LAMC2: variants seen among roughly 807,000 people sequenced by gnomAD.
LAMC2 encodes laminin subunit gamma-2.
Under a neutral mutation model 140.2 loss-of-function variants are expected in LAMC2, and 97 were observed. The ratio of observed to expected loss-of-function variants is 0.69; its 90% confidence interval spans 0.59 to 0.82. The LOEUF is 0.82. Ranked by LOEUF, LAMC2 falls within the 40% of genes least tolerant of loss-of-function variation. The probability of loss-of-function intolerance (pLI) is 0.00; values close to 1 mark genes in which losing one functional copy is unlikely to be tolerated. For missense variants in LAMC2, 1,402 were observed against 1,476.1 expected (o/e 0.95, Z 0.82); for synonymous variants, 513 against 540.2 (o/e 0.95, Z 0.70).
the LAMC2 span, among the ~76,000 whole-genome samples, chr1:183,255,728 A>G: frequency 7.2e-6 from 1 of 137,972 alleles, no homozygotes; most frequent in East Asian, 2.2e-4. Flanking sequence ...CAATGGTGTG[A>G]TCTTGACTCA....
Position 183,228,569 on chromosome 1 carries a change from C to T in LAMC2, c.1664C>T (p.Ala555Val), listed in dbSNP as rs1396710423. Residue 555 changes from alanine to valine, a missense_variant, in exon 11 of 23, where the codon GCA (alanine) becomes GTA (valine). By Grantham distance (64) the Ala-to-Val change is moderately conservative. Coordinates refer to ENST00000264144, the MANE Select transcript of LAMC2 (RefSeq NM_005562.3). This position sits in a 1 kb window ranked among gnomAD's most constrained non-coding sequence, Gnocchi z 4.3. ...GGCATCTACTGCGACCAGTGCAAAG[C>T]AGGCTACTTCGGGGACCCATTGGCT... Reference protein sequence around the residue: ...TAGIYCDQCKAGYFGDPLAPN... With the variant: ...TAGIYCDQCKVGYFGDPLAPN... 2 of 1,613,928 alleles carry T rather than the reference C, an allele frequency of 1.2e-6. No homozygotes were observed. The highest frequency in any genetic ancestry group is 8.5e-7 in the Non-Finnish European group (1 of 1,180,030).
chr1:183,239,849 C>A, intron 20 of LAMC2, 191 bp from the exon 21 acceptor site: 1 of 704,744 alleles, frequency 1.4e-6, no homozygotes, highest in Non-Finnish European at 2.5e-6. Context: ...CTAGTCATAC[C>A]CCCAGATTAG....
chr1:183,207,747 C>T, intron 1 of LAMC2, 134 bp from the exon 2 acceptor site: 1 of 786,342 alleles, frequency 1.3e-6, no homozygotes, highest in Non-Finnish European at 2.1e-6. Flanking sequence ...ATATCTTCCT[C>T]CCGCAAGGAG....
At chr1:183,223,076 ATG>A in intron 6 of LAMC2, 57 bp from the exon 7 acceptor site, 1 of 1,518,922 alleles carries the variant, frequency 6.6e-7, no homozygotes, top group East Asian at 2.3e-5. Flanking sequence ...GCAAACTTGC[ATG>A]TGTTTGCCTC....
intron 1 of LAMC2, among the ~76,000 whole-genome samples, chr1:183,188,050 T>TA (rs1392510701): frequency 6.6e-6 from 1 of 152,226 alleles, no homozygotes; most frequent in Non-Finnish European, 1.5e-5. Flanking sequence ...GCTATTTTAA[T>TA]AAAATCAGGC....
chr1:183,222,029 G>A (rs1356553232), intron 5 of LAMC2, 60 bp from the exon 6 acceptor site: 1 of 1,610,460 alleles, frequency 6.2e-7, no homozygotes, highest in East Asian at 2.2e-5. Flanking sequence ...ATCTTTCTTT[G>A]TTTAACTTAA....
intron 4 of LAMC2, 117 bp from the exon 5 acceptor site, chr1:183,220,708 C>G (rs1659439915): frequency 9.1e-7 from 1 of 1,100,332 alleles, no homozygotes; most frequent in African/African-American, 1.6e-5. Context: ...TTTCCCTCCT[C>G]TGAAAATTAA....
chr1:183,208,724 G>C (rs921060320), intron 2 of LAMC2, among the ~76,000 whole-genome samples: 1 of 152,152 alleles, frequency 6.6e-6, no homozygotes, highest in African/African-American at 2.4e-5. Context: ...CTGTTGTCCA[G>C]ACTGGAGTGC....
chr1:183,239,950 C>G, intron 20 of LAMC2, 90 bp from the exon 21 acceptor site: 3 of 1,414,812 alleles, frequency 2.1e-6, no homozygotes, highest in Non-Finnish European at 3.0e-6. Context: ...GGCCCGGCTG[C>G]CGCTGTATTT....
At chr1:183,209,410 A>G (rs1176520013) in intron 2 of LAMC2, among the ~76,000 whole-genome samples, 1 of 152,032 alleles carries the variant, frequency 6.6e-6, no homozygotes, top group Non-Finnish European at 1.5e-5. Context: ...AAACTGGGTG[A>G]CCCTGTGGTG....
chr1:183,229,576 G>T (rs1659738779), intron 11 of LAMC2, among the ~76,000 whole-genome samples: 1 of 149,326 alleles, frequency 6.7e-6, no homozygotes, highest in African/African-American at 2.5e-5. Context: ...GGCAGAGGTT[G>T]CAGTGAGCCG....
At chr1:183,253,983 T>C in the LAMC2 span, among the ~76,000 whole-genome samples, 1 of 151,960 alleles carries the variant, frequency 6.6e-6, no homozygotes, top group Non-Finnish European at 1.5e-5. Context: ...TATCTATTCA[T>C]CCATTGATGG....
chr1:183,237,298 G>C, intron 17 of LAMC2, 54 bp from the exon 18 acceptor site: 1 of 1,598,154 alleles, frequency 6.3e-7, no homozygotes, highest in Non-Finnish European at 8.6e-7. Flanking sequence ...TAACAAGGCT[G>C]GTGTGGTAAC....
rs749198766 is a variant in LAMC2, at chr1:183,232,273, G to A, written c.1944G>A (p.Glu648=). The A allele has an allele frequency of 6.2e-7, 1 of 1,614,116 alleles. No individual in the cohort carries two copies. Among genetic ancestry groups the A allele is most frequent in the South Asian group, 1.1e-5 (1 of 91,070 alleles). The change falls in exon 13 of 23, where the codon GAG becomes GAA. Residue 648 remains glutamate (E), a synonymous_variant. Coordinates refer to ENST00000264144, the MANE Select transcript of LAMC2 (RefSeq NM_005562.3). ...GTGATGGAGTAGTACCTGATACAGA[G>A]CTGGAAGGCAGGATGCAGCAGGCTG... ...QGGDGVVPDT[E]LEGRMQQAEQ...
chr1:183,215,313 G>A (rs1659217044), intron 2 of LAMC2, 140 bp from the exon 3 acceptor site: 1 of 903,258 alleles, frequency 1.1e-6, no homozygotes, highest in Non-Finnish European at 1.8e-6. Flanking sequence ...CAGGCGATGT[G>A]AAGTGACTGT....
chr1:183,224,116 A>C (rs1327367740), intron 7 of LAMC2, among the ~76,000 whole-genome samples: 1 of 152,178 alleles, frequency 6.6e-6, no homozygotes, highest in African/African-American at 2.4e-5. Context: ...AAAGTGCCCG[A>C]TTCTGCCTGG....
intron 14 of LAMC2, 36 bp from the exon 15 acceptor site, chr1:183,234,331 A>G (rs1344768227): frequency 3.2e-6 from 5 of 1,551,346 alleles, no homozygotes; most frequent in Non-Finnish European, 1.8e-6. Flanking sequence ...CAAAGCCTTA[A>G]CCGATTCGCC....
At chr1:183,198,376 C>T (rs1031016165) in intron 1 of LAMC2, among the ~76,000 whole-genome samples, 25 of 152,092 alleles carry the variant, frequency 1.6e-4, no homozygotes, top group African/African-American at 5.8e-4. Flanking sequence ...ACCTCCTGAC[C>T]TCATGATCTG....
the LAMC2 span, chr1:183,252,543 C>T: frequency 1.1e-6 from 1 of 895,158 alleles, no homozygotes. Flanking sequence ...GTAGGGAAAA[C>T]AGTCAAGACG....
Sources: gnomAD v4.1 joint callset for allele counts (sites outside exome capture counted in the v4.1 genomes callset) on GRCh38, gnomAD v4.1.1 for gene constraint, Gnocchi (gnomAD v3.1) non-coding constraint, MANE v1.5 for transcripts, NCBI Gene and HGNC (gene_info 2026-07-23, HGNC 2026-07-21) for gene names.